The following ZSWIM6 variants were observed in gnomAD, a reference collection of about 807,000 sequenced individuals.
ZSWIM6 encodes zinc finger SWIM-type containing 6.
ZSWIM6 carries 9 observed loss-of-function variants against 113.2 expected under a neutral mutation model. The observed-to-expected ratio is 0.08, with a 90% CI of 0.05 to 0.14. ZSWIM6 has a LOEUF of 0.14. Among genes scored for constraint, ZSWIM6 ranks in the 10% least tolerant of loss-of-function variants. The pLI is 1.00. For synonymous variants in ZSWIM6, 611 were observed against 606.5 expected (o/e 1.01, Z -0.11); for missense variants, 1,162 against 1,552.2 (o/e 0.75, Z 4.22).
At chr5:61,390,734 C>T (rs1475876231) in intron 1 of ZSWIM6, 1 of 795,416 alleles carries the variant, frequency 1.3e-6, no homozygotes, top group Non-Finnish European at 2.3e-6. Context: ...TCTTCTCCTC[C>T]ATGGTCTGGA....
intron 1 of ZSWIM6, among the ~76,000 whole-genome samples, chr5:61,463,983 C>T (rs1424068097): frequency 2.0e-5 from 3 of 151,644 alleles, no homozygotes; most frequent in East Asian, 1.9e-4. Context: ...GCCTCTCCTT[C>T]ATCTATCTTT....
chr5:61,474,113 T>C (rs1440091378), intron 2 of ZSWIM6, among the ~76,000 whole-genome samples: 2 of 152,206 alleles, frequency 1.3e-5, no homozygotes, highest in Non-Finnish European at 2.9e-5. Context: ...TTCCTTTCTC[T>C]TCCCTTGGTA....
In ZSWIM6 at chr5:61,420,942, T is replaced by C. The variant is rs112895041; in HGVS notation, c.677-51739T>C. Among the ~76,000 whole-genome samples the C allele has an allele frequency of 5.3e-5, 8 of 151,660 alleles. 2 individuals carry two copies. The highest frequency in any genetic ancestry group is 1.9e-4 in the African/African-American group (8 of 41,264). ...TTTTTTTTTTTTCCTTCTTTTGAGA[T>C]GGAGTCTTGCTCTGTCACCCAGGCT... On this transcript the variant is annotated intron_variant, in intron 1 of 13. Coordinates refer to ENST00000252744, the MANE Select transcript of ZSWIM6 (RefSeq NM_020928.2).
chr5:61,428,539 A>ATTTT (rs11429841), intron 1 of ZSWIM6, among the ~76,000 whole-genome samples: 1 of 147,458 alleles, frequency 6.8e-6, no homozygotes, highest in African/African-American at 2.5e-5. Flanking sequence ...ACTTAAAACA[A>ATTTT]TTTTTTTTTT....
At chr5:61,533,449 G>T (rs939623695) in intron 9 of ZSWIM6, among the ~76,000 whole-genome samples, 1 of 152,222 alleles carries the variant, frequency 6.6e-6, no homozygotes, top group Non-Finnish European at 1.5e-5. Flanking sequence ...ATATTGGATA[G>T]ATAAATTAGC....
At chr5:61,513,884 T>C (rs1263106733) in intron 4 of ZSWIM6, among the ~76,000 whole-genome samples, 1 of 152,134 alleles carries the variant, frequency 6.6e-6, no homozygotes. Flanking sequence ...CTTAAATCTT[T>C]TGTCTTTGTC....
chr5:61,472,275 ACT>A lies in ZSWIM6; in HGVS notation c.677-403_677-402del, dbSNP rs910853110. 6.6e-5 allele frequency among the ~76,000 whole-genome samples: 10 copies of A among 152,000 alleles called. No homozygotes were observed. Among genetic ancestry groups the A allele is most frequent in the African/African-American group, 2.2e-4 (9 of 41,362 alleles). ...TTTGAGAAGAAAGCTGAGCTAGGTG[ACT>A]CTGCTTAAAAAAGGAGTAGAAAAAA... On this transcript the variant is annotated intron_variant, in intron 1 of 13. Coordinates refer to ENST00000252744, the MANE Select transcript of ZSWIM6 (RefSeq NM_020928.2). This position sits in a 1 kb window ranked among gnomAD's most constrained non-coding sequence, Gnocchi z 4.1.
At chr5:61,522,627 G>A (rs552073103) in intron 5 of ZSWIM6, among the ~76,000 whole-genome samples, 21 of 152,328 alleles carry the variant, frequency 1.4e-4, no homozygotes, top group Admixed American at 1.3e-3. Context: ...TATTTGCCAT[G>A]GGAATTCAAT....
chr5:61,490,336 C>T (rs1345409775), intron 2 of ZSWIM6, among the ~76,000 whole-genome samples: 4 of 152,036 alleles, frequency 2.6e-5, no homozygotes, highest in African/African-American at 7.2e-5. Context: ...GTAGTTTATA[C>T]AGCAGCAGAT....
intron 4 of ZSWIM6, among the ~76,000 whole-genome samples, chr5:61,506,885 C>T (rs1467710954): frequency 2.6e-5 from 4 of 152,092 alleles, no homozygotes; most frequent in East Asian, 3.8e-4. Flanking sequence ...GTTTAATAGC[C>T]GTGGAAGCCT....
intron 1 of ZSWIM6, among the ~76,000 whole-genome samples, chr5:61,337,701 A>G (rs1353564784): frequency 6.6e-6 from 1 of 152,344 alleles, no homozygotes; most frequent in East Asian, 1.9e-4. Context: ...GTATGCTGCA[A>G]TTTGTATTTA....
chr5:61,461,873 C>T (rs1747330693), intron 1 of ZSWIM6, among the ~76,000 whole-genome samples: 5 of 152,014 alleles, frequency 3.3e-5, no homozygotes, highest in Admixed American at 2.0e-4. Context: ...ATGACTTAGC[C>T]GGTTTTATCT....
chr5:61,544,323 C>T lies in ZSWIM6; in HGVS notation c.*6C>T. ...TTCGGGAGAGGTTTGGTTGATAGAT[C>T]TTGTATGAATGGGGTGGGGGGTGGG... is the stretch of plus-strand genomic sequence containing the variant. On this transcript the variant is annotated 3_prime_UTR_variant, in exon 14 of 14. Coordinates refer to ENST00000252744, the MANE Select transcript of ZSWIM6 (RefSeq NM_020928.2). 5 of 1,318,588 alleles carry T rather than the reference C, an allele frequency of 3.8e-6. No homozygotes were observed. Among genetic ancestry groups the T allele is most frequent in the South Asian group, 1.8e-5 (1 of 55,236 alleles). 81.7% of individuals were successfully genotyped at this position (1,318,588 alleles called of 1,614,324 possible).
chr5:61,444,415 C>T (rs111461981), intron 1 of ZSWIM6, among the ~76,000 whole-genome samples: 10,541 of 151,994 alleles, frequency 0.069, 465 homozygotes, highest in Non-Finnish European at 0.11. Context: ...CATACGTGTG[C>T]GTGTGTCTTT....
intron 1 of ZSWIM6, among the ~76,000 whole-genome samples, chr5:61,378,617 G>A (rs193136397): frequency 1.8e-4 from 28 of 151,912 alleles, no homozygotes; most frequent in Admixed American, 7.9e-4. Flanking sequence ...GTGCAATAGC[G>A]TGATCTCAGC....
chr5:61,410,434 C>T (rs1394254009), intron 1 of ZSWIM6, among the ~76,000 whole-genome samples: 3 of 151,410 alleles, frequency 2.0e-5, no homozygotes, highest in Admixed American at 1.3e-4. Flanking sequence ...CTCAGCCTCC[C>T]GAGTAGCTGG....
intron 1 of ZSWIM6, among the ~76,000 whole-genome samples, chr5:61,341,873 CTTTTTTTTTTT>C (rs35227918): frequency 1.1e-5 from 1 of 94,704 alleles, no homozygotes; most frequent in Non-Finnish European, 2.0e-5. Context: ...TCTCTGTAAC[CTTTTTTTTTTT>C]TTTTTTTTTT....
At chr5:61,456,477 CT>C (rs1747207668) in intron 1 of ZSWIM6, among the ~76,000 whole-genome samples, 1 of 152,138 alleles carries the variant, frequency 6.6e-6, no homozygotes, top group South Asian at 2.1e-4. Context: ...AAACAAAAAC[CT>C]TATTCTTAGA....
intron 1 of ZSWIM6, among the ~76,000 whole-genome samples, chr5:61,360,121 C>T (rs150409197): frequency 6.6e-6 from 1 of 152,308 alleles, no homozygotes; most frequent in East Asian, 1.9e-4. Context: ...GCATGCCCTG[C>T]AGGTCTGCTG....
Sources: allele counts gnomAD v4.1 joint callset (sites outside exome capture counted in the v4.1 genomes callset), GRCh38; gene constraint gnomAD v4.1.1; non-coding constraint Gnocchi (gnomAD v3.1); transcripts MANE v1.5; gene names NCBI Gene and HGNC (gene_info 2026-07-23, HGNC 2026-07-21).